DCHS2: variants seen among roughly 807,000 people sequenced by gnomAD.
DCHS2 encodes dachsous cadherin-related 2, also known as protocadherin-23.
In DCHS2, 142 loss-of-function variants were observed where a neutral mutation model predicts 182.4. The ratio of observed to expected loss-of-function variants is 0.78; its 90% CI spans 0.68 to 0.89. The LOEUF is 0.89. DCHS2 is among the 40% of genes least tolerant of loss of function. The pLI, the probability that DCHS2 is intolerant of heterozygous loss-of-function variation, is 0.00. For synonymous variants in DCHS2, 1,740 were observed against 1,663.3 expected (o/e 1.05, Z -1.12); for missense variants, 4,319 against 4,198.6 (o/e 1.03, Z -0.79).
chr4:154,469,976 C>T (rs944817101), intron 1 of DCHS2, among the ~76,000 whole-genome samples: 1 of 152,094 alleles, frequency 6.6e-6, no homozygotes, highest in African/African-American at 2.4e-5. Flanking sequence ...TGTCTTCTCC[C>T]ACAAGAAAAC....
intron 1 of DCHS2, among the ~76,000 whole-genome samples, chr4:154,465,475 C>T (rs2111006680): frequency 6.6e-6 from 1 of 152,226 alleles, no homozygotes; most frequent in African/African-American, 2.4e-5. Flanking sequence ...TCAAGACCAG[C>T]CTGGACAACA....
At chr4:154,374,943 G>T (rs960311491) in intron 2 of DCHS2, among the ~76,000 whole-genome samples, 1 of 152,114 alleles carries the variant, frequency 6.6e-6, no homozygotes, top group Non-Finnish European at 1.5e-5. Context: ...TGAACACGTT[G>T]TTTCTAAACT....
At chr4:154,369,832 T>C (rs1431230701) in intron 2 of DCHS2, among the ~76,000 whole-genome samples, 2 of 152,184 alleles carry the variant, frequency 1.3e-5, no homozygotes, top group Non-Finnish European at 2.9e-5. Context: ...AGTTATACTA[T>C]AAAAGATGAA....
chr4:154,400,302 C>CAAAAAAAAAAAAAAA lies in DCHS2; in HGVS notation c.2053-22873_2053-22859dup, dbSNP rs56268638. Among the ~76,000 whole-genome samples, 61 of 91,430 alleles carry CAAAAAAAAAAAAAAA rather than the reference C, an allele frequency of 6.7e-4. 1 individual carries two copies. The highest frequency in any genetic ancestry group is 1.1e-3 in the Non-Finnish European group (50 of 47,204). 60.0% of individuals were successfully genotyped at this position (91,430 alleles called of 152,430 possible). The stretch of plus-strand genomic sequence containing the variant: ...TGGGCAACAGAGCGAGACTTCGTCT[C>CAAAAAAAAAAAAAAA]AAAAAAAAAAAAAAAGGAAGTAGGC... On this transcript the variant is annotated intron_variant, in intron 1 of 19. Coordinates refer to ENST00000357232, the MANE Select transcript of DCHS2 (RefSeq NM_001358235.2).
chr4:154,417,947 C>T (rs1009040041), intron 1 of DCHS2, among the ~76,000 whole-genome samples: 3 of 152,116 alleles, frequency 2.0e-5, no homozygotes, highest in Non-Finnish European at 4.4e-5. Flanking sequence ...TTCATCTTTG[C>T]TTATTTGCCA....
intron 3 of DCHS2, among the ~76,000 whole-genome samples, chr4:154,345,799 A>C (rs1371609245): frequency 6.6e-6 from 1 of 152,274 alleles, no homozygotes; most frequent in East Asian, 1.9e-4. Context: ...TTAATTAACA[A>C]ATAAACAAAC....
intron 3 of DCHS2, among the ~76,000 whole-genome samples, chr4:154,348,258 A>G (rs2111400701): frequency 6.6e-6 from 1 of 152,090 alleles, no homozygotes; most frequent in South Asian, 2.1e-4. Flanking sequence ...AACAACAGAC[A>G]TAACACTAAT....
At chr4:154,245,700 A>T (rs1732040501) in intron 16 of DCHS2, among the ~76,000 whole-genome samples, 1 of 152,198 alleles carries the variant, frequency 6.6e-6, no homozygotes. Context: ...AACCTTTTAT[A>T]ATAAGTTATA....
chr4:154,446,183 CT>C (rs1734278033), intron 1 of DCHS2, among the ~76,000 whole-genome samples: 1 of 152,152 alleles, frequency 6.6e-6, no homozygotes. Flanking sequence ...ACTTAAAAGT[CT>C]AATCCATAAT....
chr4:154,453,760 C>A (rs1056047094), intron 1 of DCHS2, among the ~76,000 whole-genome samples: 1 of 152,300 alleles, frequency 6.6e-6, no homozygotes, highest in Admixed American at 6.5e-5. Context: ...GTGTCCTTCA[C>A]AAACTTCCCT....
At chr4:154,466,115 G>T (rs1337609597) in intron 1 of DCHS2, among the ~76,000 whole-genome samples, 1 of 152,044 alleles carries the variant, frequency 6.6e-6, no homozygotes, top group Non-Finnish European at 1.5e-5. Context: ...GTGTAATTGG[G>T]ACTGGACTTA....
chr4:154,391,277 C>T lies in DCHS2; in HGVS notation c.2053-13833G>A, dbSNP rs557099840. On this transcript the variant is annotated intron_variant, in intron 1 of 19. Transcript: ENST00000357232. ...TTTCTCCGTCTTCATTCTCTGATTT[C>T]GTTATCTCATCCAGTCTCATGATTT... 7.2e-5 allele frequency: 116 copies of T among 1,602,558 alleles called. No homozygotes were observed. In the Admixed American group the frequency reaches 1.4e-3, roughly 19 times the overall value.
intron 1 of DCHS2, among the ~76,000 whole-genome samples, chr4:154,451,670 C>G (rs1014184005): frequency 1.3e-5 from 2 of 152,178 alleles, no homozygotes. Context: ...TCAGGAACAC[C>G]TATGAAGGAC....
intron 1 of DCHS2, among the ~76,000 whole-genome samples, chr4:154,405,033 G>T (rs1390212738): frequency 1.3e-5 from 2 of 152,118 alleles, no homozygotes; most frequent in Non-Finnish European, 1.5e-5. Context: ...GATCACCTGA[G>T]GTCAGGAGTT....
At position 154,482,202 on chromosome 4, in the gene DCHS2, A is replaced by C. The variant is rs921437096; in HGVS notation, c.2052+7102T>G. Among the ~76,000 whole-genome samples, 4 of 152,228 alleles carry C rather than the reference A, an allele frequency of 2.6e-5. No homozygotes were observed. The East Asian group carries it at 7.7e-4, about 29-fold the overall frequency. Reference sequence around the variant, plus strand: ...AAGACACTTTTGCCTGTTCAATAGAATATACTATTTTGATTGATTCAACCA... The same window carrying C: ...AAGACACTTTTGCCTGTTCAATAGACTATACTATTTTGATTGATTCAACCA... On this transcript the variant is annotated intron_variant, in intron 1 of 19. Transcript: ENST00000357232.
At chr4:154,460,330 A>G (rs952982432) in intron 1 of DCHS2, among the ~76,000 whole-genome samples, 5 of 152,326 alleles carry the variant, frequency 3.3e-5, no homozygotes, top group Admixed American at 2.6e-4. Context: ...AACATTTTCC[A>G]TGTGAAGTGG....
intron 1 of DCHS2, among the ~76,000 whole-genome samples, chr4:154,465,625 C>T (rs1176281794): frequency 2.0e-5 from 3 of 151,634 alleles, no homozygotes; most frequent in Admixed American, 6.6e-5. Flanking sequence ...GCTGAGATCA[C>T]GCCACTACAC....
intron 1 of DCHS2, among the ~76,000 whole-genome samples, chr4:154,423,869 C>G (rs1308421242): frequency 6.6e-6 from 1 of 152,132 alleles, no homozygotes; most frequent in East Asian, 1.9e-4. Flanking sequence ...GGGATGGAGC[C>G]TGAGATTCTA....
chr4:154,281,878 G>A lies in DCHS2; in HGVS notation c.6464-11865C>T, dbSNP rs147768068. Reference sequence around the variant, plus strand: ...ATAAGGCCTAGAAATAAACCCACATGTATATGATCAAATGAACTTCAATAA... The same window carrying A: ...ATAAGGCCTAGAAATAAACCCACATATATATGATCAAATGAACTTCAATAA... On this transcript the variant is annotated intron_variant, in intron 13 of 19. Transcript: ENST00000357232. 4.6e-5 allele frequency among the ~76,000 whole-genome samples: 7 copies of A among 152,208 alleles called. No individual in the cohort carries two copies. The South Asian group carries it at 6.2e-4, about 14-fold the overall frequency.
Sources: allele counts gnomAD v4.1 joint callset (sites outside exome capture counted in the v4.1 genomes callset), GRCh38; gene constraint gnomAD v4.1.1; transcripts MANE v1.5; gene names NCBI Gene and HGNC (gene_info 2026-07-23, HGNC 2026-07-21).